DMXL1: variants seen among roughly 807,000 people sequenced by gnomAD.
The protein encoded by DMXL1 is dmX-like protein 1.
A neutral mutation model predicts 319.2 loss-of-function variants in DMXL1; 99 were observed. The ratio of observed to expected loss-of-function variants is 0.31; its 90% CI spans 0.26 to 0.37. The LOEUF is 0.37. Among genes scored for constraint, DMXL1 ranks in the 10% least tolerant of loss-of-function variants. The pLI is 1.00. For synonymous variants in DMXL1, 1,385 were observed against 1,235.2 expected (o/e 1.12, Z -2.54); for missense variants, 3,745 against 3,595.6 (o/e 1.04, Z -1.06).
intron 23 of DMXL1, 60 bp from the exon 24 acceptor site, chr5:119,170,130 C>A: frequency 6.7e-7 from 1 of 1,498,334 alleles, no homozygotes; most frequent in Non-Finnish European, 8.9e-7. Context: ...AGAAAAGACA[C>A]TACAATAGAA....
intron 10 of DMXL1, among the ~76,000 whole-genome samples, chr5:119,129,667 A>G (rs1220576507): frequency 6.6e-6 from 1 of 152,170 alleles, no homozygotes; most frequent in Non-Finnish European, 1.5e-5. Flanking sequence ...ACTTTCCTAT[A>G]TAAAGGACTA....
chr5:119,115,284 C>A (rs1297099500), intron 6 of DMXL1, among the ~76,000 whole-genome samples: 1 of 152,146 alleles, frequency 6.6e-6, no homozygotes, highest in Admixed American at 6.5e-5. Context: ...TACCTTTTAG[C>A]TGATGTGTAT....
chr5:119,129,390 G>T lies in DMXL1; in HGVS notation c.1282G>T (p.Asp428Tyr). Residue 428 changes from aspartate to tyrosine, a missense_variant, in exon 10 of 44, where the codon GAT becomes TAT. Asp to Tyr is a radical substitution (Grantham distance 160, BLOSUM62 -3). Around this residue, in one of 4 missense-constraint regions of DMXL1, gnomAD observed 2,096 missense variants for 1,985.4 expected, o/e 1.06. Coordinates refer to ENST00000539542, the MANE Select transcript of DMXL1 (RefSeq NM_001290321.3). ...EQPSSEASVEDSNQADVKSDE... is the reference protein window; with the variant it reads ...EQPSSEASVEYSNQADVKSDE... ...ACCATCTTCTGAGGCCAGTGTAGAA[G>T]ATTCTAATCAGGCAGATGTAAAATC... is the stretch of plus-strand genomic sequence containing the variant. 1 of 1,611,848 alleles carries T rather than the reference G, an allele frequency of 6.2e-7. No individual in the cohort carries two copies. Among genetic ancestry groups the T allele is most frequent in the Non-Finnish European group, 8.5e-7 (1 of 1,179,428 alleles).
chr5:119,202,864 CAT>C lies in DMXL1; in HGVS notation c.7746-438_7746-437del, dbSNP rs1265452902. Among the ~76,000 whole-genome samples the C allele has an allele frequency of 1.8e-3, 136 of 74,306 alleles. 1 individual carries two copies. The highest frequency in any genetic ancestry group is 5.4e-3 in the Middle Eastern group (1 of 184). The allele number at this position is 74,306 out of a possible 152,430, so 48.7% of individuals were successfully genotyped here. A position where few individuals can be genotyped will look rare whatever the true frequency, so the allele number is the denominator to read the frequency against. ...AGATTCCATCTCAAAAATATACATA[CAT>C]ATATATATATATATATTTTTATATA... On this transcript the variant is annotated intron_variant, in intron 32 of 43. Transcript: ENST00000539542.
rs1299101842 is a variant in DMXL1 at position 119,246,984 on chromosome 5, A to G, written c.8923-11A>G. 1.3e-6 allele frequency: 2 copies of G among 1,584,436 alleles called. No homozygotes were observed. Among genetic ancestry groups the G allele is most frequent in the Non-Finnish European group, 1.7e-6 (2 of 1,161,446 alleles). Reference sequence around the variant, plus strand: ...AACCCTAATTTTCCGTTTGTTCTTAATATCTTTCAGATTTGGAGTCTCTCT... The same window carrying G: ...AACCCTAATTTTCCGTTTGTTCTTAGTATCTTTCAGATTTGGAGTCTCTCT... On this transcript the variant is annotated splice_polypyrimidine_tract_variant and intron_variant, in intron 43 of 43. Coordinates refer to ENST00000539542, the MANE Select transcript of DMXL1 (RefSeq NM_001290321.3).
chr5:119,147,502 T>G, intron 17 of DMXL1, 32 bp downstream of exon 17: 1 of 1,459,776 alleles, frequency 6.9e-7, no homozygotes, highest in Non-Finnish European at 9.6e-7. Flanking sequence ...AGACTAATTT[T>G]GTAACACATG....
intron 1 of DMXL1, among the ~76,000 whole-genome samples, chr5:119,090,833 G>A (rs1484438001): frequency 1.3e-5 from 2 of 151,804 alleles, no homozygotes; most frequent in Non-Finnish European, 2.9e-5. Context: ...CCAAAGTGCT[G>A]GGATTACAGG....
chr5:119,123,361 AGAGGAGGGAGAGGGAGAGGGAGAG>A, intron 9 of DMXL1, among the ~76,000 whole-genome samples: 1 of 92,038 alleles, frequency 1.1e-5, no homozygotes, highest in Non-Finnish European at 2.2e-5. Context: ...AGGGAGAGGG[AGAGGAGGGAGAGGGAGAGGGAGAG>A]GAGGGAGAGG....
At position 119,150,301 on chromosome 5, in the gene DMXL1, C is replaced by T; in HGVS notation, c.4474C>T (p.His1492Tyr). 6.2e-7 allele frequency: 1 copy of T among 1,613,778 alleles called. No homozygotes were observed. Among genetic ancestry groups the T allele is most frequent in the East Asian group, 2.2e-5 (1 of 44,856 alleles). The change falls in exon 18 of 44, where the codon CAC becomes TAC. Residue 1492 changes from histidine to tyrosine, a missense_variant. This residue lies in a region of DMXL1 where 2,096 missense variants were observed against 1,985.4 expected (regional missense o/e 1.06). Transcript: ENST00000539542. The stretch of plus-strand genomic sequence containing the variant: ...TGAGCATGCTCAGGTTCTTTCTGGC[C>T]ACTTACTTCATTCTAGTTTACCAGG... ...GPEHAQVLSG[H>Y]LLHSSLPGLS...
At chr5:119,234,328 G>T (rs1045271893) in intron 39 of DMXL1, among the ~76,000 whole-genome samples, 1 of 152,112 alleles carries the variant, frequency 6.6e-6, no homozygotes, top group Admixed American at 6.6e-5. Flanking sequence ...TAATTAAAGA[G>T]TAAATCAGTC....
rs1466040686 is a variant in DMXL1 at position 119,220,997 on chromosome 5, A to G, written c.8193A>G (p.Thr2731=). The change falls in exon 37 of 44, where the codon ACA becomes ACG. Residue 2731 remains threonine (T), a synonymous_variant. Transcript: ENST00000539542. The stretch of plus-strand genomic sequence containing the variant: ...ATGATTTAACAGCTGTTCAAGGTAC[A>G]ACTCCATATACACATAGCAATCCTG... The part of the protein sequence containing the change: ...ARDDLTAVQG[T]TPYTHSNPGT... The G allele has an allele frequency of 6.2e-7, 1 of 1,613,956 alleles. No homozygotes were observed. Among genetic ancestry groups the G allele is most frequent in the African/African-American group, 1.3e-5 (1 of 75,054 alleles).
intron 1 of DMXL1, among the ~76,000 whole-genome samples, chr5:119,089,995 T>C (rs370336906): frequency 2.2e-5 from 3 of 134,450 alleles, no homozygotes; most frequent in Admixed American, 1.6e-4. Flanking sequence ...TGCTTCGGGT[T>C]AGTCTTTTTT....
intron 28 of DMXL1, among the ~76,000 whole-genome samples, chr5:119,185,239 T>C (rs1327444016): frequency 6.6e-6 from 1 of 152,082 alleles, no homozygotes; most frequent in East Asian, 1.9e-4. Context: ...TTTCCCCCTA[T>C]TTATCAAAAA....
intron 24 of DMXL1, 55 bp from the exon 25 acceptor site, chr5:119,171,723 A>T: frequency 3.6e-6 from 5 of 1,405,916 alleles, no homozygotes; most frequent in Non-Finnish European, 4.8e-6. Flanking sequence ...TTACTGAAGT[A>T]ATGGTTTGTA....
chr5:119,138,914 A>T (rs929510845), intron 13 of DMXL1: 1 of 152,236 alleles, frequency 6.6e-6, no homozygotes, highest in Non-Finnish European at 1.5e-5. Flanking sequence ...GAAGATGAGC[A>T]TGGCTCCTGT....
rs1439873086 is a variant in DMXL1, at chr5:119,128,423, C to T, written c.1103-788C>T. 7 of 200,748 alleles carry T rather than the reference C, an allele frequency of 3.5e-5. No individual in the cohort carries two copies. The East Asian group carries it at 7.0e-4, about 20-fold the overall frequency. The allele number at this position is 200,748 out of a possible 1,614,324, so 12.4% of individuals were successfully genotyped here. A position where few individuals can be genotyped will look rare whatever the true frequency, so the allele number is the denominator to read the frequency against. On this transcript the variant is annotated intron_variant, in intron 9 of 43. Transcript: ENST00000539542. ...CTGTTGATGCTTCTCTCCTCAGCAGCAGATCTCTTGCTGACTGACATACCC... is the reference window on the plus strand; with the variant it reads ...CTGTTGATGCTTCTCTCCTCAGCAGTAGATCTCTTGCTGACTGACATACCC...
chr5:119,241,897 A>C (rs1037889564), intron 42 of DMXL1, among the ~76,000 whole-genome samples: 1 of 152,232 alleles, frequency 6.6e-6, no homozygotes, highest in East Asian at 1.9e-4. Flanking sequence ...CAATAGCAAC[A>C]GGAGGTGGCT....
At position 119,149,207 on chromosome 5, in the gene DMXL1, C is replaced by T. The variant is rs748362923; in HGVS notation, c.3380C>T (p.Ser1127Phe). The stretch of plus-strand genomic sequence containing the variant: ...TATAATAAACAAGACATGTATTTAT[C>T]TAGTAAAGAGAATATCACATCAAAC... ...VAYNKQDMYL[S>F]SKENITSNTK... Residue 1127 changes from serine (S) to phenylalanine (F), a missense_variant, in exon 18 of 44, where the codon TCT (serine) becomes TTT (phenylalanine). This residue lies in a region of DMXL1 where 2,096 missense variants were observed against 1,985.4 expected (regional missense o/e 1.06). Transcript: ENST00000539542. 1.9e-6 allele frequency: 3 copies of T among 1,613,650 alleles called. No homozygotes were observed. The African/African-American group carries it at 4.0e-5, about 22-fold the overall frequency.
intron 43 of DMXL1, 60 bp downstream of exon 43, chr5:119,244,636 T>C (rs1789419945): frequency 7.9e-7 from 1 of 1,272,886 alleles, no homozygotes; most frequent in South Asian, 1.3e-5. Flanking sequence ...CTTAGCTCTT[T>C]AATCGTATTG....
Sources: gnomAD v4.1 joint callset for allele counts (sites outside exome capture counted in the v4.1 genomes callset) on GRCh38, gnomAD v4.1.1 for gene constraint, gnomAD v4.1.1 regional missense constraint, MANE v1.5 for transcripts, NCBI Gene and HGNC (gene_info 2026-07-23, HGNC 2026-07-21) for gene names.